SCN8A: variants seen among roughly 807,000 people sequenced by gnomAD.
SCN8A encodes sodium voltage-gated channel alpha subunit 8, also known as sodium channel protein type 8 subunit alpha.
A neutral mutation model predicts 184.1 loss-of-function variants in SCN8A; 30 were observed. The observed-to-expected ratio is 0.16, with a 90% CI of 0.12 to 0.22. The LOEUF (loss-of-function observed/expected upper bound fraction) is 0.22. Ranked by LOEUF, SCN8A falls within the 10% of genes least tolerant of loss-of-function variation. SCN8A has a pLI of 1.00. For missense variants in SCN8A, 1,057 were observed against 2,498.9 expected, an observed-to-expected ratio of 0.42 and a Z score of 12.30; for synonymous variants, 852 against 907.0, an observed-to-expected ratio of 0.94 and a Z score of 1.09.
chr12:51,740,099 T>C lies in SCN8A; in HGVS notation c.1999-5804T>C, dbSNP rs570573321. 4.7e-3 allele frequency among the ~76,000 whole-genome samples: 716 copies of C among 152,364 alleles called. 3 individuals are homozygous for C. Among genetic ancestry groups the C allele is most frequent in the Non-Finnish European group, 7.8e-3 (532 of 68,038 alleles). On this transcript the variant is annotated intron_variant, in intron 12 of 26. Coordinates refer to ENST00000627620, the MANE Select transcript of SCN8A (RefSeq NM_001330260.2). Reference sequence around the variant, plus strand: ...TTTGTGGCTTAAGAATGCCTTTAAGTGGTTTTCCACCCTGGGCGGGCCAGG... The same window carrying C: ...TTTGTGGCTTAAGAATGCCTTTAAGCGGTTTTCCACCCTGGGCGGGCCAGG...
chr12:51,661,421 T>C (rs1940923125), intron 1 of SCN8A, among the ~76,000 whole-genome samples: 1 of 152,130 alleles, frequency 6.6e-6, no homozygotes, highest in South Asian at 2.1e-4. Context: ...CTACACACTG[T>C]CTTGCAACAC....
chr12:51,660,806 G>A (rs886351221), intron 1 of SCN8A, among the ~76,000 whole-genome samples: 4 of 152,182 alleles, frequency 2.6e-5, no homozygotes, highest in Non-Finnish European at 5.9e-5. Flanking sequence ...TGTTAGCTAA[G>A]GTCATGGTGG....
chr12:51,683,697 A>C (rs1397605605), intron 2 of SCN8A, among the ~76,000 whole-genome samples: 7 of 152,006 alleles, frequency 4.6e-5, no homozygotes, highest in African/African-American at 1.4e-4. Flanking sequence ...TATATGATTT[A>C]CTCATTCATT....
intron 6 of SCN8A, among the ~76,000 whole-genome samples, chr12:51,691,617 T>C (rs1022971000): frequency 1.3e-5 from 2 of 152,154 alleles, no homozygotes; most frequent in Non-Finnish European, 2.9e-5. Context: ...GAGTCCCAGA[T>C]TCCTATTTCT....
intron 12 of SCN8A, among the ~76,000 whole-genome samples, chr12:51,727,529 G>A (rs1428045191): frequency 3.3e-5 from 5 of 152,136 alleles, no homozygotes; most frequent in African/African-American, 1.2e-4. Context: ...GCCAGGTGAT[G>A]AGAATTGTGC....
At chr12:51,721,107 AATATTTATTTATTGTTATATATAT>A (rs1565899419) in intron 11 of SCN8A, among the ~76,000 whole-genome samples, 58 of 102,232 alleles carry the variant, frequency 5.7e-4, no homozygotes, top group African/African-American at 2.4e-3. Flanking sequence ...ATATATATAT[AATATTTATTTATTGTTATATATAT>A]AATATTTATT....
chr12:51,687,036 G>A (rs772686562), intron 4 of SCN8A, 55 bp from the exon 5 acceptor site: 25 of 1,602,326 alleles, frequency 1.6e-5, no homozygotes, highest in East Asian at 2.2e-5. Context: ...AACTTAAAAG[G>A]TTCATTTAAA....
chr12:51,749,012 G>A (rs534621365), intron 13 of SCN8A, among the ~76,000 whole-genome samples: 1 of 152,288 alleles, frequency 6.6e-6, no homozygotes, highest in Non-Finnish European at 1.5e-5. Flanking sequence ...CAAAAGCAAA[G>A]TAAGAGAAAC....
intron 1 of SCN8A, among the ~76,000 whole-genome samples, chr12:51,601,367 A>G (rs1405007281): frequency 6.6e-6 from 1 of 151,982 alleles, no homozygotes; most frequent in East Asian, 1.9e-4. Context: ...AAGTGCACAG[A>G]CTGAATGATT....
intron 1 of SCN8A, among the ~76,000 whole-genome samples, chr12:51,649,980 C>A (rs1940673831): frequency 6.6e-6 from 1 of 152,222 alleles, no homozygotes; most frequent in Non-Finnish European, 1.5e-5. Context: ...ATCCAAGTCA[C>A]CTCTTGAATG....
At chr12:51,772,395 C>CA (rs67083627) in intron 19 of SCN8A, among the ~76,000 whole-genome samples, 1,595 of 141,748 alleles carry the variant, frequency 0.011, 11 homozygotes, top group Non-Finnish European at 0.017. Flanking sequence ...AACTCCATCT[C>CA]AAAAAAAAAA....
chr12:51,780,073 C>T, intron 20 of SCN8A: 2 of 294,546 alleles, frequency 6.8e-6, no homozygotes, highest in Non-Finnish European at 1.4e-5. Context: ...GCATCAGATT[C>T]TCAAACAAAT....
In SCN8A at chr12:51,780,782, A is replaced by T. The variant is rs763921571; in HGVS notation, c.3942+11A>T. 15 of 1,575,960 alleles carry T rather than the reference A, an allele frequency of 9.5e-6. No individual in the cohort carries two copies. The highest frequency in any genetic ancestry group is 1.3e-5 in the Non-Finnish European group (15 of 1,167,598). ...TTTGAAGGGATGAGGGTAAGATACT[A>T]AGAGCAGCTGATCCTTCTGCATGCC... On this transcript the variant is annotated intron_variant, in intron 21 of 26. Transcript: ENST00000627620.
At chr12:51,595,056 A>G (rs1939314833) in intron 1 of SCN8A, among the ~76,000 whole-genome samples, 1 of 152,196 alleles carries the variant, frequency 6.6e-6, no homozygotes, top group South Asian at 2.1e-4. Flanking sequence ...TTAACTGAGG[A>G]ATCAATAAAC....
At position 51,765,847 on chromosome 12, in the gene SCN8A, G is replaced by A; in HGVS notation, c.2721G>A (p.Lys907=). 6.2e-7 allele frequency: 1 copy of A among 1,614,066 alleles called. No homozygotes were observed. Among genetic ancestry groups the A allele is most frequent in the Non-Finnish European group, 8.5e-7 (1 of 1,179,988 alleles). Residue 907 remains lysine, a synonymous_variant, in exon 16 of 27, where the codon AAG becomes AAA. Coordinates refer to ENST00000627620, the MANE Select transcript of SCN8A (RefSeq NM_001330260.2). Reference sequence around the variant, plus strand: ...AAAGCTACAAAGAGTGTGTCTGCAAGATCAACCAGGACTGTGAACTCCCTC... The same window carrying A: ...AAAGCTACAAAGAGTGTGTCTGCAAAATCAACCAGGACTGTGAACTCCCTC... ...FGKSYKECVC[K]INQDCELPRW...
intron 12 of SCN8A, among the ~76,000 whole-genome samples, chr12:51,728,352 A>G (rs1056441173): frequency 2.6e-5 from 4 of 152,228 alleles, no homozygotes; most frequent in Non-Finnish European, 5.9e-5. Flanking sequence ...CCAAGAAGCC[A>G]GCCTGTTATA....
At chr12:51,709,612 A>G (rs951762931) in intron 11 of SCN8A, among the ~76,000 whole-genome samples, 1 of 152,218 alleles carries the variant, frequency 6.6e-6, no homozygotes, top group African/African-American at 2.4e-5. Context: ...GTTTTAGTCC[A>G]GAGTAAGGAA....
chr12:51,799,361 A>G (rs1938494543), intron 26 of SCN8A, among the ~76,000 whole-genome samples: 2 of 152,220 alleles, frequency 1.3e-5, no homozygotes, highest in African/African-American at 4.8e-5. Context: ...CTAGTTCATG[A>G]GAGGCGGTTC....
chr12:51,670,918 A>T (rs1323452582), intron 2 of SCN8A, among the ~76,000 whole-genome samples: 1 of 152,200 alleles, frequency 6.6e-6, no homozygotes, highest in South Asian at 2.1e-4. Flanking sequence ...GACAAGCCAT[A>T]TACATTGTTG....
Sources: allele counts gnomAD v4.1 joint callset (sites outside exome capture counted in the v4.1 genomes callset), GRCh38; gene constraint gnomAD v4.1.1; transcripts MANE v1.5; gene names NCBI Gene and HGNC (gene_info 2026-07-23, HGNC 2026-07-21).